The following SCRIB variants were observed in gnomAD, a reference collection of about 807,000 sequenced individuals.
SCRIB encodes the protein scribble planar cell polarity protein, also known as protein scribble homolog.
A neutral mutation model predicts 170.0 loss-of-function variants in SCRIB; 72 were observed. The observed-to-expected ratio is 0.42, with a 90% confidence interval of 0.35 to 0.52. The LOEUF (loss-of-function observed/expected upper bound fraction) is 0.52, where lower values mean the gene tolerates loss of function less well. Ranked by LOEUF, SCRIB falls within the 20% of genes least tolerant of loss-of-function variation. SCRIB has a pLI of 0.02. For missense variants in SCRIB, 2,475 were observed against 2,338.5 expected, an observed-to-expected ratio of 1.06 and a Z score of -1.20; for synonymous variants, 1,298 against 1,044.3, an observed-to-expected ratio of 1.24 and a Z score of -4.68.
At chr8:143,798,435 G>A (rs944283207) in intron 24 of SCRIB, among the ~76,000 whole-genome samples, 4 of 152,114 alleles carry the variant, frequency 2.6e-5, no homozygotes, top group Non-Finnish European at 4.4e-5. Context: ...CCAGAACTCG[G>A]CCCCTCTCCA....
At chr8:143,793,173 C>A (rs1048396800) in intron 28 of SCRIB, 90 bp from the exon 29 acceptor site, 2 of 701,664 alleles carry the variant, frequency 2.9e-6, no homozygotes, top group Non-Finnish European at 4.3e-6. Context: ...CCCCGCCTGT[C>A]CCCCCGCCTG....
chr8:143,807,961 G>C (rs1815506204), intron 15 of SCRIB, among the ~76,000 whole-genome samples: 1 of 152,236 alleles, frequency 6.6e-6, no homozygotes, highest in Non-Finnish European at 1.5e-5. Flanking sequence ...TGCCCAGAGA[G>C]CAGGTGAGAC....
At chr8:143,809,252 G>A (rs1012134689) in intron 14 of SCRIB, among the ~76,000 whole-genome samples, 3 of 152,114 alleles carry the variant, frequency 2.0e-5, no homozygotes, top group African/African-American at 4.8e-5. Flanking sequence ...GAAGGGGTGC[G>A]CCAAGGCCTC....
In SCRIB at chr8:143,812,824, G is replaced by C; in HGVS notation, c.780C>G (p.Asp260Glu). 4 of 1,599,716 alleles carry C rather than the reference G, an allele frequency of 2.5e-6. No individual in the cohort carries two copies. In the South Asian group the frequency reaches 4.4e-5, roughly 18 times the overall value. ...ACCCCCAGGCACACTAACCGATGCC[G>C]TCGGGCAGCCTCCGCAGCAGGTTCT... ...LSQNLLRRLP[D>E]GIGQLKQLSI... is the part of the protein sequence containing the mutation. The change falls in exon 8 of 37, where the codon GAC (aspartate) becomes GAG (glutamate). Residue 260 changes from aspartate to glutamate, a missense_variant. Asp to Glu is a conservative substitution (Grantham distance 45, BLOSUM62 2). Coordinates refer to ENST00000356994, the MANE Select transcript of SCRIB (RefSeq NM_182706.5).
intron 1 of SCRIB, among the ~76,000 whole-genome samples, chr8:143,814,448 CA>C (rs954845762): frequency 1.1e-4 from 16 of 152,166 alleles, no homozygotes; most frequent in African/African-American, 3.9e-4. Context: ...TGCCACCCTC[CA>C]GGGGCCCACA....
chr8:143,809,708 A>G lies in SCRIB; in HGVS notation c.1541T>C (p.Leu514Pro). ...SPLPAEEEKR[L>P]SAESGLSEDS... ...TTCACTCAGGCCAGACTCGGCACTC[A>G]GCCGCTTCTCCTGCGGCGGGAAGTG... Residue 514 changes from leucine to proline, a missense_variant, in exon 14 of 37, where the codon CTG (leucine) becomes CCG (proline). Around this residue, in one of 3 missense-constraint regions of SCRIB, gnomAD observed 1,966 missense variants for 1,742.9 expected, o/e 1.13. Transcript: ENST00000356994. 6.2e-7 allele frequency: 1 copy of G among 1,608,824 alleles called. No homozygotes were observed. The highest frequency in any genetic ancestry group is 1.1e-5 in the South Asian group (1 of 91,080).
At chr8:143,814,607 C>T (rs1256257760) in intron 1 of SCRIB, among the ~76,000 whole-genome samples, 1 of 152,230 alleles carries the variant, frequency 6.6e-6, no homozygotes, top group Non-Finnish European at 1.5e-5. Context: ...GCTGTCACTG[C>T]CACGGCCAGA....
intron 1 of SCRIB, chr8:143,814,782 G>A (rs567687942): frequency 1.5e-4 from 28 of 181,148 alleles, no homozygotes; most frequent in Admixed American, 6.1e-5. Flanking sequence ...AAGGGGGACA[G>A]CGAACAGATC....
Position 143,812,832 on chromosome 8 carries a change from G to T in SCRIB, c.772C>A (p.Leu258Met). The T allele has an allele frequency of 6.2e-7, 1 of 1,601,066 alleles. No individual in the cohort carries two copies. The change falls in exon 8 of 37, where the codon CTG (leucine) becomes ATG (methionine). Residue 258 changes from leucine (L) to methionine (M), a missense_variant. Leu to Met is a conservative substitution (Grantham distance 15). Transcript: ENST00000356994. ...GCACACTAACCGATGCCGTCGGGCAGCCTCCGCAGCAGGTTCTGGGACAGC... is the reference window on the plus strand; with the variant it reads ...GCACACTAACCGATGCCGTCGGGCATCCTCCGCAGCAGGTTCTGGGACAGC... Reference protein sequence around the residue: ...LLLSQNLLRRLPDGIGQLKQL... With the variant: ...LLLSQNLLRRMPDGIGQLKQL...
At chr8:143,793,991 G>A in intron 27 of SCRIB, 29 bp from the exon 28 acceptor site, 1 of 1,606,814 alleles carries the variant, frequency 6.2e-7, no homozygotes, top group Non-Finnish European at 8.5e-7. Context: ...GGTGGGGTGA[G>A]GATGGGCAGG....
intron 24 of SCRIB, among the ~76,000 whole-genome samples, chr8:143,800,291 A>G (rs1296914539): frequency 1.3e-5 from 2 of 152,090 alleles, no homozygotes; most frequent in African/African-American, 4.8e-5. Flanking sequence ...AACAATTCTT[A>G]CAGGTTATAA....
chr8:143,795,743 C>T (rs1426559245), intron 24 of SCRIB, among the ~76,000 whole-genome samples: 2 of 152,362 alleles, frequency 1.3e-5, no homozygotes, highest in African/African-American at 4.8e-5. Context: ...GTCCCCATCA[C>T]AGCTCACAGG....
rs1365472625 is a variant in SCRIB, at chr8:143,792,386, G to A, written c.4348C>T (p.Pro1450Ser). 6.6e-7 allele frequency: 1 copy of A among 1,508,676 alleles called. No homozygotes were observed. Among genetic ancestry groups the A allele is most frequent in the Non-Finnish European group, 8.8e-7 (1 of 1,133,208 alleles). The allele number at this position is 1,508,676 out of a possible 1,614,324, so 93.5% of individuals were successfully genotyped here. The change falls in exon 32 of 37, where the codon CCA (proline) becomes TCA (serine). Residue 1450 changes from proline to serine, a missense_variant. This residue lies in a region of SCRIB where 1,966 missense variants were observed against 1,742.9 expected (regional missense o/e 1.13). Transcript: ENST00000356994. ...ACCGGGGCGCCACCTCCCAGGGGTG[G>A]GGGGGACGCCGGGCTCTGCCTGGGG... ...PTSRQSPASP[P>S]PLGGGAPVRT...
At position 143,807,533 on chromosome 8, in the gene SCRIB, C is replaced by T. The variant is rs781884839; in HGVS notation, c.2178+19G>A. ...GGCCAGCAGCGGCCCGGCCAGAGTGCAGAGCGAGCAGTACAGACCTCTTCC... is the reference window on the plus strand; with the variant it reads ...GGCCAGCAGCGGCCCGGCCAGAGTGTAGAGCGAGCAGTACAGACCTCTTCC... On this transcript the variant is annotated intron_variant, in intron 16 of 36. Transcript: ENST00000356994. The T allele has an allele frequency of 6.2e-7, 1 of 1,608,904 alleles. No homozygotes were observed. The highest frequency in any genetic ancestry group is 1.1e-5 in the South Asian group (1 of 90,968).
chr8:143,814,001 C>A lies in SCRIB; in HGVS notation c.277G>T (p.Asp93Tyr). 6.4e-7 allele frequency: 1 copy of A among 1,571,184 alleles called. No individual in the cohort carries two copies. The highest frequency in any genetic ancestry group is 8.6e-7 in the Non-Finnish European group (1 of 1,157,322). The change falls in exon 2 of 37, where the codon GAT (aspartate) becomes TAT (tyrosine). Residue 93 changes from aspartate (D) to tyrosine (Y), a missense_variant and splice_region_variant. By Grantham distance (160) the Asp-to-Tyr change is radical. This residue lies in a region of SCRIB where 487 missense variants were observed against 558.1 expected (regional missense o/e 0.87). Coordinates refer to ENST00000356994, the MANE Select transcript of SCRIB (RefSeq NM_182706.5). The part of the protein sequence containing the change: ...QLVELDVSRN[D>Y]IPEIPESIKF... ...CCCAGCCCCTGCCCAGGCTCCCCAC[C>A]GTTCCGGGACACGTCCAGCTCCACC...
At position 143,813,568 on chromosome 8, in the gene SCRIB, A is replaced by T. The variant is rs748609898; in HGVS notation, c.447-42T>A. 1.9e-6 allele frequency: 3 copies of T among 1,612,800 alleles called. No individual in the cohort carries two copies. The East Asian group carries it at 6.7e-5, about 36-fold the overall frequency. On this transcript the variant is annotated intron_variant, in intron 4 of 36. Transcript: ENST00000356994. ...GCGCTGGGGCAAGAGGAAGGAAAGC[A>T]GTGGCAGCAGGGGCAGGGCCAATCC...
rs970495946 is a variant in SCRIB, at chr8:143,815,324, C to T, written c.49G>A (p.Val17Met). Residue 17 changes from valine (V) to methionine (M), a missense_variant, in exon 1 of 37, where the codon GTG (valine) becomes ATG (methionine). Physicochemically the swap from Val to Met is conservative, Grantham distance 21. Around this residue, in one of 3 missense-constraint regions of SCRIB, gnomAD observed 487 missense variants for 558.1 expected, o/e 0.87. Transcript: ENST00000356994. The stretch of plus-strand genomic sequence containing the variant: ...TGCAGCGAACAGTGCCGCTTGTCCA[C>T]CGACTCCACGTGCCGGTTGCAGCGC... ...LWRCNRHVES[V>M]DKRHCSLQAV... is the part of the protein sequence containing the mutation. The T allele has an allele frequency of 1.3e-6, 2 of 1,573,628 alleles. No individual in the cohort carries two copies. Among genetic ancestry groups the T allele is most frequent in the African/African-American group, 2.8e-5 (2 of 71,388 alleles).
intron 9 of SCRIB, 44 bp downstream of exon 9, chr8:143,812,222 C>A (rs749934693): frequency 1.2e-5 from 15 of 1,269,494 alleles, no homozygotes; most frequent in Non-Finnish European, 1.7e-5. Flanking sequence ...TTGTTCTGCA[C>A]CCCCGACGGC....
intron 14 of SCRIB, 54 bp downstream of exon 14, chr8:143,809,497 G>A (rs1019496332): frequency 1.3e-6 from 2 of 1,569,934 alleles, no homozygotes; most frequent in Non-Finnish European, 1.7e-6. Context: ...CCGCAGGGGA[G>A]GCAGCCCCCA....
Sources: gnomAD v4.1 joint callset for allele counts (sites outside exome capture counted in the v4.1 genomes callset) on GRCh38, gnomAD v4.1.1 for gene constraint, gnomAD v4.1.1 regional missense constraint, MANE v1.5 for transcripts, NCBI Gene and HGNC (gene_info 2026-07-23, HGNC 2026-07-21) for gene names.